Variants in CCDC91 observed in about 807,000 individuals in gnomAD.
CCDC91 encodes coiled-coil domain containing 91.
Under a neutral mutation model 63.2 loss-of-function variants are expected in CCDC91, and 48 were observed. The ratio of observed to expected loss-of-function variants is 0.76; its 90% CI spans 0.60 to 0.97. The LOEUF is 0.97. Among genes scored for constraint, CCDC91 ranks in the 50% least tolerant of loss-of-function variants. CCDC91 has a pLI of 0.00. For synonymous variants in CCDC91, 167 were observed against 165.8 expected, an observed-to-expected ratio of 1.01 and a Z score of -0.06; for missense variants, 500 against 494.6, an observed-to-expected ratio of 1.01 and a Z score of -0.10.
intron 8 of CCDC91, among the ~76,000 whole-genome samples, chr12:28,449,287 A>G (rs1044310549): frequency 1.3e-5 from 2 of 152,106 alleles, no homozygotes; most frequent in Non-Finnish European, 2.9e-5. Flanking sequence ...TGGATATCCA[A>G]TGAGTTTATA....
intron 1 of CCDC91, among the ~76,000 whole-genome samples, chr12:28,201,233 G>A (rs879108003): frequency 2.0e-5 from 3 of 148,928 alleles, no homozygotes; most frequent in African/African-American, 4.9e-5. Flanking sequence ...CTTCTCAGAC[G>A]GGGCGGCTGC....
intron 6 of CCDC91, among the ~76,000 whole-genome samples, chr12:28,337,336 C>A (rs1942059863): frequency 6.6e-6 from 1 of 152,202 alleles, no homozygotes; most frequent in African/African-American, 2.4e-5. Flanking sequence ...CATTATCTAT[C>A]TAACATAACA....
Position 28,421,505 on chromosome 12 carries a change from C to T in CCDC91, c.763-28656C>T, listed in dbSNP as rs78161647. ...TTAGATTGCTTAGGAAAATGACCTCCGGCTCCATCCATGCTGCAGCAAAGG... is the reference window on the plus strand; with the variant it reads ...TTAGATTGCTTAGGAAAATGACCTCTGGCTCCATCCATGCTGCAGCAAAGG... On this transcript the variant is annotated intron_variant, in intron 8 of 12. Transcript: ENST00000536442. 2.3e-3 allele frequency among the ~76,000 whole-genome samples: 354 copies of T among 150,892 alleles called. 4 individuals are homozygous for T. The highest frequency in any genetic ancestry group is 8.1e-3 in the African/African-American group (333 of 41,184).
intron 11 of CCDC91, 77 bp from the exon 12 acceptor site, chr12:28,483,975 G>A: frequency 1.3e-6 from 1 of 757,678 alleles, no homozygotes; most frequent in Admixed American, 2.6e-5. Flanking sequence ...TGAAGAGGAT[G>A]TTTAGTTTAT....
At chr12:28,451,309 A>G (rs1949791837) in intron 10 of CCDC91, among the ~76,000 whole-genome samples, 2 of 151,698 alleles carry the variant, frequency 1.3e-5, no homozygotes, top group African/African-American at 4.8e-5. Context: ...ACAGACCAGT[A>G]GTAGTAGTTT....
rs544620085 is a variant in CCDC91, at chr12:28,380,288, C to T, written c.655-11016C>T. 5.9e-5 allele frequency among the ~76,000 whole-genome samples: 9 copies of T among 152,048 alleles called. No individual in the cohort carries two copies. The South Asian group carries it at 1.2e-3, about 21-fold the overall frequency. On this transcript the variant is annotated intron_variant, in intron 7 of 12. Coordinates refer to ENST00000536442, the MANE Select transcript of CCDC91 (RefSeq NM_018318.5). ...TGTATACCTATGTATCAAACCTGTA[C>T]CTTGTGCACATGTACCCTAGAACTT...
chr12:28,507,949 A>T (rs1938933276), intron 12 of CCDC91, among the ~76,000 whole-genome samples: 1 of 151,860 alleles, frequency 6.6e-6, no homozygotes, highest in African/African-American at 2.4e-5. Context: ...CACCTTGGGG[A>T]AAGGGGACTG....
At chr12:28,327,696 G>A (rs1205821860) in intron 6 of CCDC91, among the ~76,000 whole-genome samples, 2 of 152,088 alleles carry the variant, frequency 1.3e-5, no homozygotes, top group South Asian at 2.1e-4. Context: ...TTCCCTTGGC[G>A]TGAAACAACG....
chr12:28,386,440 C>T (rs1027074151), intron 7 of CCDC91, among the ~76,000 whole-genome samples: 3 of 152,162 alleles, frequency 2.0e-5, no homozygotes, highest in African/African-American at 7.2e-5. Flanking sequence ...ATGATCTCAG[C>T]TCACTGTAAC....
At chr12:28,392,467 G>A (rs1452678251) in intron 8 of CCDC91, among the ~76,000 whole-genome samples, 1 of 152,080 alleles carries the variant, frequency 6.6e-6, no homozygotes, top group Non-Finnish European at 1.5e-5. Context: ...ATACAATTTC[G>A]AAGTGAAAGA....
At chr12:28,480,024 T>C (rs935030361) in intron 11 of CCDC91, among the ~76,000 whole-genome samples, 3 of 152,136 alleles carry the variant, frequency 2.0e-5, no homozygotes, top group Non-Finnish European at 4.4e-5. Context: ...GACATCGGCC[T>C]TAAGCCTTCA....
In CCDC91 at chr12:28,527,526, C is replaced by CT. The variant is rs1941366513; in HGVS notation, c.1216-21536dup. Among the ~76,000 whole-genome samples, 11 of 152,240 alleles carry CT rather than the reference C, an allele frequency of 7.2e-5. No homozygotes were observed. In the South Asian group the frequency reaches 2.1e-3, roughly 29 times the overall value. On this transcript the variant is annotated intron_variant, in intron 12 of 12. Transcript: ENST00000536442. The stretch of plus-strand genomic sequence containing the variant: ...CAGTGGCAGGGGAGTGAAATGGACT[C>CT]TGAGTGTTCTTAGCTTTGGTTGATT...
chr12:28,370,921 C>T (rs1243279455), intron 7 of CCDC91, among the ~76,000 whole-genome samples: 1 of 152,074 alleles, frequency 6.6e-6, no homozygotes, highest in East Asian at 1.9e-4. Context: ...GAGGAAATCG[C>T]CTCCATGATC....
intron 6 of CCDC91, among the ~76,000 whole-genome samples, chr12:28,352,550 G>C (rs76998702): frequency 0.017 from 2,637 of 152,210 alleles, 34 homozygotes; most frequent in South Asian, 0.029. Flanking sequence ...CACTTTCTTT[G>C]TTTGTTCCTA....
intron 12 of CCDC91, among the ~76,000 whole-genome samples, chr12:28,487,727 A>G (rs1951800388): frequency 6.6e-6 from 1 of 151,680 alleles, no homozygotes; most frequent in African/African-American, 2.4e-5. Context: ...CCTTGTTTCC[A>G]ACTGAGCTTG....
At chr12:28,316,149 AT>A (rs761182978) in intron 6 of CCDC91, among the ~76,000 whole-genome samples, 9 of 151,800 alleles carry the variant, frequency 5.9e-5, no homozygotes, top group Non-Finnish European at 1.2e-4. Flanking sequence ...TGTAGTTTCA[AT>A]TTCTTACTTT....
chr12:28,394,307 A>C (rs1374936316), intron 8 of CCDC91, among the ~76,000 whole-genome samples: 1 of 152,144 alleles, frequency 6.6e-6, no homozygotes, highest in Non-Finnish European at 1.5e-5. Flanking sequence ...TCTACTAAAA[A>C]TACAAAAAAT....
At chr12:28,221,194 A>G (rs150748914) in intron 1 of CCDC91, among the ~76,000 whole-genome samples, 1 of 151,722 alleles carries the variant, frequency 6.6e-6, no homozygotes, top group South Asian at 2.1e-4. Context: ...TGTTAATCTC[A>G]TCTTTTATGT....
intron 12 of CCDC91, among the ~76,000 whole-genome samples, chr12:28,514,528 T>C (rs1939725458): frequency 6.6e-6 from 1 of 152,046 alleles, no homozygotes; most frequent in Non-Finnish European, 1.5e-5. Flanking sequence ...TTGGTTGTAA[T>C]TGCTTTTGGT....
Sources: allele counts gnomAD v4.1 joint callset (sites outside exome capture counted in the v4.1 genomes callset), GRCh38; gene constraint gnomAD v4.1.1; transcripts MANE v1.5; gene names NCBI Gene and HGNC (gene_info 2026-07-23, HGNC 2026-07-21).